SLAIN2: variants seen among roughly 807,000 people sequenced by gnomAD.
SLAIN2 encodes the protein SLAIN family member 2, also known as SLAIN motif-containing protein 2.
Under a neutral mutation model 56.6 loss-of-function variants are expected in SLAIN2, and 31 were observed. That is an observed-to-expected ratio of 0.55 (90% confidence interval 0.41 to 0.74). The LOEUF is 0.74. SLAIN2 is among the 30% of genes least tolerant of loss of function. The pLI is 0.00. For synonymous variants in SLAIN2, 317 were observed against 284.9 expected, an observed-to-expected ratio of 1.11 and a Z score of -1.13; for missense variants, 777 against 754.2, an observed-to-expected ratio of 1.03 and a Z score of -0.35.
rs1335689996 is a variant in SLAIN2 at position 48,422,490 on chromosome 4, T to C, written c.*413T>C. 1.2e-5 allele frequency: 2 copies of C among 171,596 alleles called. No homozygotes were observed. Among genetic ancestry groups the C allele is most frequent in the African/African-American group, 4.8e-5 (2 of 41,804 alleles). 10.6% of individuals were successfully genotyped at this position (171,596 alleles called of 1,614,324 possible). On this transcript the variant is annotated 3_prime_UTR_variant, in exon 8 of 8. Coordinates refer to ENST00000264313, the MANE Select transcript of SLAIN2 (RefSeq NM_020846.2). ...AAACTTCACATTCAACCTAATTTAC[T>C]GTATAAATAGTATCAATAAATATTT...
chr4:48,360,110 C>A (rs569692540), intron 1 of SLAIN2, among the ~76,000 whole-genome samples: 1 of 145,204 alleles, frequency 6.9e-6, no homozygotes, highest in Non-Finnish European at 1.5e-5. Flanking sequence ...GCTGAGATCG[C>A]GCCATTGCAT....
intron 6 of SLAIN2, among the ~76,000 whole-genome samples, chr4:48,390,734 CAGT>C (rs1716219667): frequency 6.6e-6 from 1 of 152,090 alleles, no homozygotes; most frequent in Admixed American, 6.6e-5. Context: ...TGATCTGTCA[CAGT>C]GGTGAATAGT....
chr4:48,398,924 A>T (rs1175177397), intron 6 of SLAIN2, among the ~76,000 whole-genome samples: 1 of 152,214 alleles, frequency 6.6e-6, no homozygotes, highest in Non-Finnish European at 1.5e-5. Flanking sequence ...GAAGTCAGGT[A>T]GCATGATGCT....
At chr4:48,419,347 G>T (rs1371747983) in intron 6 of SLAIN2, among the ~76,000 whole-genome samples, 2 of 152,040 alleles carry the variant, frequency 1.3e-5, no homozygotes, top group African/African-American at 2.4e-5. Flanking sequence ...CAGGTGATCC[G>T]CCCGCCTCGG....
intron 6 of SLAIN2, among the ~76,000 whole-genome samples, chr4:48,392,643 A>T (rs185580506): frequency 1.3e-5 from 2 of 152,176 alleles, no homozygotes; most frequent in Non-Finnish European, 2.9e-5. Flanking sequence ...CTTTCCCCAC[A>T]TATCTACATA....
rs181443728 is a variant in SLAIN2 at position 48,383,487 on chromosome 4, C to T, written c.1223-160C>T. Among the ~76,000 whole-genome samples the T allele has an allele frequency of 1.6e-3, 249 of 151,622 alleles. 2 individuals are homozygous for T. Among genetic ancestry groups the T allele is most frequent in the African/African-American group, 5.3e-3 (221 of 41,348 alleles). On this transcript the variant is annotated intron_variant, in intron 5 of 7. Coordinates refer to ENST00000264313, the MANE Select transcript of SLAIN2 (RefSeq NM_020846.2). ...TCTACCCACTTAACAGATCCTAGAT[C>T]GAGTTGTTTGTTTTTTTTAATAAGA...
At chr4:48,378,736 T>G (rs1209686928) in intron 3 of SLAIN2, among the ~76,000 whole-genome samples, 1 of 152,186 alleles carries the variant, frequency 6.6e-6, no homozygotes, top group East Asian at 1.9e-4. Context: ...AGGTTGTTAC[T>G]TGCTACTTAC....
chr4:48,356,640 C>G (rs1715163820), intron 1 of SLAIN2, among the ~76,000 whole-genome samples: 2 of 152,176 alleles, frequency 1.3e-5, no homozygotes, highest in South Asian at 4.1e-4. Flanking sequence ...CTAGGTTGGT[C>G]TCACTGTAAC....
intron 6 of SLAIN2, among the ~76,000 whole-genome samples, chr4:48,418,399 A>G (rs1255784086): frequency 6.6e-6 from 1 of 151,832 alleles, no homozygotes; most frequent in African/African-American, 2.4e-5. Context: ...GCTTTTTTTG[A>G]GTCCGCTGTT....
intron 2 of SLAIN2, among the ~76,000 whole-genome samples, chr4:48,377,336 A>ATTTT (rs34493417): frequency 8.5e-6 from 1 of 117,478 alleles, no homozygotes; most frequent in Non-Finnish European, 1.7e-5. Flanking sequence ...TGCCTGGCTA[A>ATTTT]TTTTTTTTTT....
In SLAIN2 at chr4:48,382,879, C is replaced by G. The variant is rs1480821541; in HGVS notation, c.1174C>G (p.Leu392Val). The G allele has an allele frequency of 1.2e-6, 2 of 1,613,118 alleles. No individual in the cohort carries two copies. Residue 392 changes from leucine to valine, a missense_variant, in exon 5 of 8, where the codon CTT (leucine) becomes GTT (valine). Transcript: ENST00000264313. ...CCGCTTACAGCAACCTCGCCTTTCA[C>G]TTCAAGGCCATCCCACAGATTTACA... Reference protein sequence around the residue: ...ISRLQQPRLSLQGHPTDLQTS... With the variant: ...ISRLQQPRLSVQGHPTDLQTS...
intron 6 of SLAIN2, among the ~76,000 whole-genome samples, chr4:48,403,503 T>C (rs1229780076): frequency 1.3e-5 from 2 of 152,158 alleles, no homozygotes; most frequent in Non-Finnish European, 2.9e-5. Context: ...GCAGCTGTGC[T>C]GCATTGTGGG....
At chr4:48,368,051 C>CTTTTTTTTTTTATTTTTTTTTTTTTTTTT (rs1715568946) in intron 1 of SLAIN2, among the ~76,000 whole-genome samples, 1 of 88,848 alleles carries the variant, frequency 1.1e-5, no homozygotes, top group Non-Finnish European at 2.0e-5. Flanking sequence ...GTTTTTGAGG[C>CTTTTTTTTTTTATTTTTTTTTTTTTTTTT]TTTTTTTTTT....
chr4:48,359,715 T>C (rs1715265003), intron 1 of SLAIN2, among the ~76,000 whole-genome samples: 1 of 152,250 alleles, frequency 6.6e-6, no homozygotes, highest in Non-Finnish European at 1.5e-5. Context: ...GAAATAGTTA[T>C]ATTCTTAGTT....
chr4:48,392,433 T>C (rs73246020), intron 6 of SLAIN2, among the ~76,000 whole-genome samples: 3,123 of 152,306 alleles, frequency 0.021, 53 homozygotes, highest in Non-Finnish European at 0.031. Flanking sequence ...ATAGACGTTA[T>C]TTAATATTGA....
intron 1 of SLAIN2, among the ~76,000 whole-genome samples, chr4:48,348,689 C>CAAAA (rs34880531): frequency 1.1e-3 from 108 of 98,518 alleles, no homozygotes; most frequent in African/African-American, 4.0e-3. Flanking sequence ...GACTCTGTCT[C>CAAAA]AAAAAAAAAA....
intron 6 of SLAIN2, among the ~76,000 whole-genome samples, chr4:48,384,917 A>G (rs1275730588): frequency 6.6e-6 from 1 of 152,208 alleles, no homozygotes; most frequent in African/African-American, 2.4e-5. Context: ...CTTAGAAAGC[A>G]TTAATAAAAA....
In SLAIN2 at chr4:48,341,729, GC is replaced by G; in HGVS notation, c.-10del. On this transcript the variant is annotated 5_prime_UTR_variant, in exon 1 of 8. Coordinates refer to ENST00000264313, the MANE Select transcript of SLAIN2 (RefSeq NM_020846.2). ...GCGGGCGGCGGAGGCGGCGGCGGCG[GC>G]GGGGCCGGGATGGAGGACGTTAACT... 1.3e-6 allele frequency: 2 copies of G among 1,526,776 alleles called. No homozygotes were observed. The highest frequency in any genetic ancestry group is 1.8e-6 in the Non-Finnish European group (2 of 1,137,194). 94.6% of individuals were successfully genotyped at this position (1,526,776 alleles called of 1,614,324 possible).
chr4:48,383,613 A>G (rs1198605146), intron 5 of SLAIN2, 34 bp from the exon 6 acceptor site: 2 of 1,473,004 alleles, frequency 1.4e-6, no homozygotes, highest in Non-Finnish European at 9.1e-7. Flanking sequence ...ATCTGAAAGA[A>G]TATGATTTTT....
Sources: allele counts gnomAD v4.1 joint callset (sites outside exome capture counted in the v4.1 genomes callset), GRCh38; gene constraint gnomAD v4.1.1; transcripts MANE v1.5; gene names NCBI Gene and HGNC (gene_info 2026-07-23, HGNC 2026-07-21).